FBLIM1: variants seen among roughly 807,000 people sequenced by gnomAD.
FBLIM1 encodes the protein filamin-binding LIM protein 1.
In FBLIM1, 29 loss-of-function variants were observed where a neutral mutation model predicts 37.4. The ratio of observed to expected loss-of-function variants is 0.77; its 90% CI spans 0.58 to 1.06. The LOEUF is 1.06. Among genes scored for constraint, FBLIM1 ranks in the 50% least tolerant of loss-of-function variants. The pLI, the probability that FBLIM1 is intolerant of heterozygous loss-of-function variation, is 0.00. For missense variants in FBLIM1, 449 were observed against 505.6 expected (o/e 0.89, Z 1.07); for synonymous variants, 193 against 199.0 (o/e 0.97, Z 0.25).
At chr1:15,766,744 C>T (rs1470706107) in intron 3 of FBLIM1, among the ~76,000 whole-genome samples, 1 of 151,638 alleles carries the variant, frequency 6.6e-6, no homozygotes, top group East Asian at 1.9e-4. Context: ...ACAGGCATGC[C>T]CACCACGCCC....
chr1:15,775,625 G>A (rs1411839190), intron 7 of FBLIM1, among the ~76,000 whole-genome samples: 1 of 152,008 alleles, frequency 6.6e-6, no homozygotes, highest in East Asian at 1.9e-4. Flanking sequence ...GGGGCAAGGA[G>A]CTTACATGCC....
chr1:15,763,228 C>A (rs2068759231), intron 1 of FBLIM1, among the ~76,000 whole-genome samples: 1 of 151,896 alleles, frequency 6.6e-6, no homozygotes, highest in South Asian at 2.1e-4. Flanking sequence ...CGCCAGCACA[C>A]CCAGCTAATT....
At position 15,765,941 on chromosome 1, in the gene FBLIM1, C is replaced by T. The variant is rs1187703834; in HGVS notation, c.250+708C>T. On this transcript the variant is annotated intron_variant, in intron 3 of 8. Coordinates refer to ENST00000375766, the MANE Select transcript of FBLIM1 (RefSeq NM_017556.4). The surrounding 1 kb of genome is among the most constrained non-coding windows in gnomAD (Gnocchi z 5.9). ...CTCTCCAAGACCTGGTTCCTGACTC[C>T]GTGAGCTCATCGGAGCCTCTTTCTC... is the stretch of plus-strand genomic sequence containing the variant. Among the ~76,000 whole-genome samples, 4 of 152,108 alleles carry T rather than the reference C, an allele frequency of 2.6e-5. No homozygotes were observed. Among genetic ancestry groups the T allele is most frequent in the Non-Finnish European group, 5.9e-5 (4 of 68,022 alleles).
At chr1:15,770,963 G>A (rs527822817) in intron 6 of FBLIM1, among the ~76,000 whole-genome samples, 8 of 152,010 alleles carry the variant, frequency 5.3e-5, no homozygotes, top group African/African-American at 1.4e-4. Flanking sequence ...GGTGGGGGAC[G>A]GAGTCTCACT....
At position 15,765,500 on chromosome 1, in the gene FBLIM1, G is replaced by A. The variant is rs1367275008; in HGVS notation, c.250+267G>A. ...GTGGGAACAAGATCAAACTTGCCTGGGAAGGGCTGTCCTGTCACTGGTCAG... is the reference window on the plus strand; with the variant it reads ...GTGGGAACAAGATCAAACTTGCCTGAGAAGGGCTGTCCTGTCACTGGTCAG... On this transcript the variant is annotated intron_variant, in intron 3 of 8. Transcript: ENST00000375766. The surrounding 1 kb of genome is among the most constrained non-coding windows in gnomAD (Gnocchi z 5.9). Among the ~76,000 whole-genome samples, 2 of 152,000 alleles carry A rather than the reference G, an allele frequency of 1.3e-5. No homozygotes were observed. The highest frequency in any genetic ancestry group is 2.9e-5 in the Non-Finnish European group (2 of 67,994).
intron 1 of FBLIM1, among the ~76,000 whole-genome samples, chr1:15,762,234 T>A (rs1156925818): frequency 2.0e-5 from 3 of 149,248 alleles, no homozygotes; most frequent in Non-Finnish European, 4.4e-5. Flanking sequence ...GGACTACAGG[T>A]GCATGCCACC....
Position 15,765,326 on chromosome 1 carries a change from C to T in FBLIM1, c.250+93C>T. 1 of 1,472,938 alleles carries T rather than the reference C, an allele frequency of 6.8e-7. No individual in the cohort carries two copies. Among genetic ancestry groups the T allele is most frequent in the Non-Finnish European group, 9.1e-7 (1 of 1,102,288 alleles). 91.2% of individuals were successfully genotyped at this position (1,472,938 alleles called of 1,614,324 possible). The stretch of plus-strand genomic sequence containing the variant: ...CAGCGTCATTCATTCATTCATTATT[C>T]ATCCTGACAAAATTCACACATCAAC... On this transcript the variant is annotated intron_variant, in intron 3 of 8. Coordinates refer to ENST00000375766, the MANE Select transcript of FBLIM1 (RefSeq NM_017556.4). The surrounding 1 kb of genome is among the most constrained non-coding windows in gnomAD (Gnocchi z 5.9).
At chr1:15,784,212 A>AATT (rs1442663173) in intron 8 of FBLIM1, among the ~76,000 whole-genome samples, 1 of 152,190 alleles carries the variant, frequency 6.6e-6, no homozygotes, top group African/African-American at 2.4e-5. Flanking sequence ...AATTTTAAAA[A>AATT]ATAATAAAGG....
chr1:15,764,990 T>A lies in FBLIM1; in HGVS notation c.7T>A (p.Ser3Thr). 6.2e-7 allele frequency: 1 copy of A among 1,612,766 alleles called. No homozygotes were observed. Among genetic ancestry groups the A allele is most frequent in the Non-Finnish European group, 8.5e-7 (1 of 1,179,438 alleles). Residue 3 changes from serine (S) to threonine (T), a missense_variant, in exon 3 of 9, where the codon TCA becomes ACA. Ser to Thr is a moderately conservative substitution (Grantham distance 58, BLOSUM62 1). Transcript: ENST00000375766. Reference protein sequence around the residue: MASKPEKRVASSV... With the variant: MATKPEKRVASSV... ...CACACCAGGAGCTGAAGCCATGGCC[T>A]CAAAGCCTGAGAAGAGGGTGGCATC...
chr1:15,777,636 C>A (rs530719980), intron 8 of FBLIM1, among the ~76,000 whole-genome samples: 1 of 144,714 alleles, frequency 6.9e-6, no homozygotes, highest in Non-Finnish European at 1.5e-5. Context: ...CGAAGTGGTG[C>A]GATCTCAGCT....
chr1:15,783,862 G>T (rs547806978), intron 8 of FBLIM1, among the ~76,000 whole-genome samples: 1 of 152,224 alleles, frequency 6.6e-6, no homozygotes, highest in South Asian at 2.1e-4. Context: ...GATTATAGGC[G>T]TGAACCACCG....
intron 3 of FBLIM1, among the ~76,000 whole-genome samples, chr1:15,766,195 C>T (rs767958125): frequency 1.3e-5 from 2 of 152,142 alleles, no homozygotes; most frequent in African/African-American, 2.4e-5. Context: ...GTAGCCTCAA[C>T]CTCCCTGGCT....
In FBLIM1 at chr1:15,765,176, A is replaced by G. The variant is rs1299042585; in HGVS notation, c.193A>G (p.Thr65Ala). 4 of 1,613,402 alleles carry G rather than the reference A, an allele frequency of 2.5e-6. No individual in the cohort carries two copies. Among genetic ancestry groups the G allele is most frequent in the Non-Finnish European group, 1.7e-6 (2 of 1,179,900 alleles). Reference protein sequence around the residue: ...GLAGRPSPWTTPGRAAATVPA... With the variant: ...GLAGRPSPWTAPGRAAATVPA... ...GGCGGGGAGGCCCAGCCCCTGGACAACCCCTGGCAGAGCTGCAGCCACAGT... is the reference window on the plus strand; with the variant it reads ...GGCGGGGAGGCCCAGCCCCTGGACAGCCCCTGGCAGAGCTGCAGCCACAGT... Residue 65 changes from threonine (T) to alanine (A), a missense_variant, in exon 3 of 9, where the codon ACC (threonine) becomes GCC (alanine). By Grantham distance (58) the Thr-to-Ala change is moderately conservative. Transcript: ENST00000375766. This position sits in a 1 kb window ranked among gnomAD's most constrained non-coding sequence, Gnocchi z 5.9.
chr1:15,774,604 G>A lies in FBLIM1; in HGVS notation c.712-14G>A. On this transcript the variant is annotated splice_polypyrimidine_tract_variant and intron_variant, in intron 6 of 8. Coordinates refer to ENST00000375766, the MANE Select transcript of FBLIM1 (RefSeq NM_017556.4). ...GTGTGTCGTGGATGGTTCTGGCAGT[G>A]GCCTCTGTCCTAGGACACACTGGAG... 2 of 1,604,102 alleles carry A rather than the reference G, an allele frequency of 1.2e-6. No homozygotes were observed. Among genetic ancestry groups the A allele is most frequent in the Non-Finnish European group, 8.5e-7 (1 of 1,174,074 alleles).
intron 6 of FBLIM1, 54 bp from the exon 7 acceptor site, chr1:15,774,564 C>G: frequency 6.4e-7 from 1 of 1,555,634 alleles, no homozygotes; most frequent in Non-Finnish European, 8.7e-7. Flanking sequence ...AGACGACCCT[C>G]GTGGGTTGGG....
At chr1:15,777,816 G>T (rs994809267) in intron 8 of FBLIM1, among the ~76,000 whole-genome samples, 2 of 151,940 alleles carry the variant, frequency 1.3e-5, no homozygotes, top group African/African-American at 4.8e-5. Flanking sequence ...CAGGTGATCC[G>T]CCCACTTCCA....
At position 15,770,597 on chromosome 1, in the gene FBLIM1, C is replaced by T. The variant is rs1366384203; in HGVS notation, c.711+19C>T. The T allele has an allele frequency of 1.2e-6, 2 of 1,611,412 alleles. No homozygotes were observed. The highest frequency in any genetic ancestry group is 4.5e-5 in the East Asian group (2 of 44,814). ...CTACCAGGTAACCCCTGCAGCAGAC[C>T]TCTGGGTGCCAGGCAGTGAGCTGAG... On this transcript the variant is annotated intron_variant, in intron 6 of 8. Coordinates refer to ENST00000375766, the MANE Select transcript of FBLIM1 (RefSeq NM_017556.4).
chr1:15,778,812 TTG>T (rs1423840879), intron 8 of FBLIM1, among the ~76,000 whole-genome samples: 1 of 151,854 alleles, frequency 6.6e-6, no homozygotes, highest in Non-Finnish European at 1.5e-5. Flanking sequence ...AGCTAATGTT[TTG>T]TATTTTTAGT....
chr1:15,762,346 C>A (rs1273368550), intron 1 of FBLIM1, among the ~76,000 whole-genome samples: 1 of 151,334 alleles, frequency 6.6e-6, no homozygotes, highest in Non-Finnish European at 1.5e-5. Context: ...TTACTGCAAC[C>A]TCCGCCTCCC....
Sources: allele counts gnomAD v4.1 joint callset (sites outside exome capture counted in the v4.1 genomes callset), GRCh38; gene constraint gnomAD v4.1.1; non-coding constraint Gnocchi (gnomAD v3.1); transcripts MANE v1.5; gene names NCBI Gene and HGNC (gene_info 2026-07-23, HGNC 2026-07-21).